The following LINGO1 variants were observed in gnomAD, a reference collection of about 807,000 sequenced individuals.
LINGO1 encodes leucine rich repeat and Ig domain containing 1.
In LINGO1, 11 loss-of-function variants were observed where a neutral mutation model predicts 37.3. The ratio of observed to expected loss-of-function variants is 0.29; its 90% CI spans 0.19 to 0.49. LINGO1 has a LOEUF of 0.49. LINGO1 is among the 20% of genes least tolerant of loss of function. The pLI, the probability that LINGO1 is intolerant of heterozygous loss-of-function variation, is 0.99. For missense variants in LINGO1, 585 were observed against 878.2 expected (o/e 0.67, Z 4.22); for synonymous variants, 387 against 403.0 (o/e 0.96, Z 0.48).
In LINGO1 at chr15:77,632,715, C is replaced by G. The variant is rs902661196; in HGVS notation, c.-400G>C. Among the ~76,000 whole-genome samples the G allele has an allele frequency of 6.9e-6, 1 of 145,490 alleles. No homozygotes were observed. Among genetic ancestry groups the G allele is most frequent in the African/African-American group, 2.5e-5 (1 of 40,602 alleles). ...CCGCGGGGCCGGGGCCGGCGGGCAG[C>G]GGCCGCGCATGCTGCTCGGCGCCCC... On this transcript the variant is annotated 5_prime_UTR_variant, in exon 1 of 2. Transcript: ENST00000355300. The surrounding 1 kb of genome is among the most constrained non-coding windows in gnomAD (Gnocchi z 6.0).
chr15:77,810,361 C>CACACACAT lies in LINGO1; in HGVS notation c.-458+9896_-458+9897insATGTGTGT, dbSNP rs371243014. 4.0e-3 allele frequency among the ~76,000 whole-genome samples: 608 copies of CACACACAT among 152,090 alleles called. 3 individuals carry two copies. Among genetic ancestry groups the CACACACAT allele is most frequent in the African/African-American group, 0.014 (574 of 41,472 alleles). ...ACACACACATGCACACACACACACA[C>CACACACAT]AGAGGAATCTAGGGAGGAGAGGGAG... is the stretch of plus-strand genomic sequence containing the variant. On this transcript the variant is annotated intron_variant, in intron 1 of 5. Transcript: ENST00000562933.
At chr15:77,706,549 C>T (rs563701560) in intron 2 of LINGO1, among the ~76,000 whole-genome samples, 88 of 151,984 alleles carry the variant, frequency 5.8e-4, no homozygotes, top group African/African-American at 2.0e-3. Flanking sequence ...CTTCCTGTTA[C>T]CCCACAAGTT....
At chr15:77,811,102 C>G (rs913103602) in intron 1 of LINGO1, among the ~76,000 whole-genome samples, 24 of 151,090 alleles carry the variant, frequency 1.6e-4, no homozygotes, top group African/African-American at 5.9e-4. Flanking sequence ...TGTCCAGACC[C>G]GATCCCAACC....
At chr15:77,764,100 G>A (rs2141388639) in intron 1 of LINGO1, among the ~76,000 whole-genome samples, 1 of 152,316 alleles carries the variant, frequency 6.6e-6, no homozygotes, top group South Asian at 2.1e-4. Flanking sequence ...ACAGCACTTT[G>A]AAGCCTTGTG....
At chr15:77,692,312 G>A (rs1168155803) in intron 1 of LINGO1, among the ~76,000 whole-genome samples, 5 of 152,140 alleles carry the variant, frequency 3.3e-5, no homozygotes, top group Admixed American at 6.5e-5. Flanking sequence ...CTGGGGCCAC[G>A]TCTACTTCCC....
At chr15:77,667,680 C>T (rs2075162289) in intron 3 of LINGO1, 2 of 152,316 alleles carry the variant, frequency 1.3e-5, no homozygotes, top group South Asian at 4.1e-4. Context: ...GGTCGAGCCT[C>T]AGCTGTGGAA....
intron 3 of LINGO1, among the ~76,000 whole-genome samples, chr15:77,652,919 C>A (rs1224334308): frequency 6.6e-6 from 1 of 152,176 alleles, no homozygotes; most frequent in African/African-American, 2.4e-5. Flanking sequence ...CCGGGGAGTG[C>A]ATGGTTTGAC....
upstream of LINGO1, among the ~76,000 whole-genome samples, chr15:77,791,394 CA>C (rs57476561): frequency 0.95 from 144,703 of 152,010 alleles, 68,921 homozygotes; most frequent in Admixed American, 0.97. Context: ...GGCGGGGGGT[CA>C]AGGGAAGACA....
intron 1 of LINGO1, among the ~76,000 whole-genome samples, chr15:77,626,607 G>C (rs2074097221): frequency 6.6e-6 from 1 of 152,180 alleles, no homozygotes; most frequent in Non-Finnish European, 1.5e-5. Flanking sequence ...CCCAGACTTG[G>C]GGGAGGAACT....
chr15:77,695,983 G>A (rs1302683639), intron 1 of LINGO1: 1 of 151,634 alleles, frequency 6.6e-6, no homozygotes, highest in East Asian at 1.9e-4. Flanking sequence ...CATCATTGCA[G>A]TCAAGGTCAC....
chr15:77,755,429 C>T (rs759943860), intron 1 of LINGO1, among the ~76,000 whole-genome samples: 1 of 152,212 alleles, frequency 6.6e-6, no homozygotes, highest in Non-Finnish European at 1.5e-5. Context: ...CAGGCTTTGG[C>T]GTCAGACCTG....
chr15:77,713,318 T>G (rs2075943389), intron 2 of LINGO1, among the ~76,000 whole-genome samples: 1 of 151,598 alleles, frequency 6.6e-6, no homozygotes, highest in Non-Finnish European at 1.5e-5. Context: ...GCTCAAGTAC[T>G]CTGCCTGCCT....
intron 1 of LINGO1, among the ~76,000 whole-genome samples, chr15:77,769,659 C>T (rs1249487869): frequency 1.3e-5 from 2 of 152,120 alleles, no homozygotes; most frequent in Non-Finnish European, 2.9e-5. Context: ...AGCACCTCAG[C>T]CCCCACCCAC....
chr15:77,795,026 C>T (rs1411661384), intron 2 of LINGO1, among the ~76,000 whole-genome samples: 4 of 152,154 alleles, frequency 2.6e-5, no homozygotes, highest in Non-Finnish European at 2.9e-5. Context: ...GGCCTGCCAC[C>T]AGGCTTCTTC....
chr15:77,695,034 C>G (rs1185767422), intron 1 of LINGO1, among the ~76,000 whole-genome samples: 1 of 152,154 alleles, frequency 6.6e-6, no homozygotes, highest in Non-Finnish European at 1.5e-5. Context: ...TTTGCCCTGA[C>G]AGACCCCAGG....
intron 3 of LINGO1, among the ~76,000 whole-genome samples, chr15:77,643,402 G>A (rs758070711): frequency 1.3e-5 from 2 of 152,170 alleles, no homozygotes; most frequent in Admixed American, 6.5e-5. Flanking sequence ...TCCCCTCCCC[G>A]TCTAGGTCAG....
chr15:77,703,996 G>C (rs1410321151), intron 2 of LINGO1, among the ~76,000 whole-genome samples: 1 of 152,142 alleles, frequency 6.6e-6, no homozygotes, highest in Non-Finnish European at 1.5e-5. Context: ...AGGAATAAAG[G>C]GACAAGGAGT....
At chr15:77,670,540 A>G (rs1243395868) in intron 3 of LINGO1, among the ~76,000 whole-genome samples, 1 of 152,196 alleles carries the variant, frequency 6.6e-6, no homozygotes. Flanking sequence ...CTGGCATCTC[A>G]GGGCAGGCAC....
intron 1 of LINGO1, among the ~76,000 whole-genome samples, chr15:77,749,360 CCA>C (rs1162149169): frequency 1.3e-5 from 2 of 152,176 alleles, no homozygotes; most frequent in Non-Finnish European, 2.9e-5. Flanking sequence ...CCAGGTGGGC[CCA>C]GTGAGTACTC....
Sources: gnomAD v4.1 joint callset for allele counts (sites outside exome capture counted in the v4.1 genomes callset) on GRCh38, gnomAD v4.1.1 for gene constraint, Gnocchi (gnomAD v3.1) non-coding constraint, MANE v1.5 for transcripts, NCBI Gene and HGNC (gene_info 2026-07-23, HGNC 2026-07-21) for gene names.